Variants in NINJ2 observed in about 807,000 individuals in gnomAD.
The protein encoded by NINJ2 is ninjurin 2.
NINJ2 carries 12 observed loss-of-function variants against 11.7 expected under a neutral mutation model. That is an observed-to-expected ratio of 1.02 (90% CI 0.66 to 1.66). The LOEUF (loss-of-function observed/expected upper bound fraction) is 1.66. Ranked by LOEUF, NINJ2 falls within the 40% of genes most tolerant of loss-of-function variation. NINJ2 has a pLI of 0.00. For missense variants in NINJ2, 187 were observed against 181.8 expected, an observed-to-expected ratio of 1.03 and a Z score of -0.16; for synonymous variants, 93 against 76.8, an observed-to-expected ratio of 1.21 and a Z score of -1.10.
rs377197932 is a variant in NINJ2 at position 586,624 on chromosome 12, G to A, written c.34-20446C>T. On this transcript the variant is annotated intron_variant, in intron 1 of 3. Coordinates refer to ENST00000305108, the MANE Select transcript of NINJ2 (RefSeq NM_016533.6). Reference sequence around the variant, plus strand: ...GCTCCCATCCGCCCACAGGGCATGCGTTTCGGCCCTATGTCCAACCTTCCC... The same window carrying A: ...GCTCCCATCCGCCCACAGGGCATGCATTTCGGCCCTATGTCCAACCTTCCC... 53 of 152,526 alleles carry A rather than the reference G, an allele frequency of 3.5e-4. 1 individual carries two copies. The South Asian group carries it at 0.01, about 29-fold the overall frequency. The allele number at this position is 152,526 out of a possible 1,614,324, so 9.4% of individuals were successfully genotyped here.
At chr12:572,922 T>C (rs1173162911) in intron 1 of NINJ2, among the ~76,000 whole-genome samples, 1 of 138,294 alleles carries the variant, frequency 7.2e-6, no homozygotes, top group Non-Finnish European at 1.5e-5. Flanking sequence ...AGTGGCACAA[T>C]CTCAGCTCAC....
At chr12:605,885 A>G (rs1401845049) in intron 1 of NINJ2, among the ~76,000 whole-genome samples, 2 of 152,226 alleles carry the variant, frequency 1.3e-5, no homozygotes, top group African/African-American at 2.4e-5. Flanking sequence ...CAGAAAGCCT[A>G]CATGAAAGAT....
chr12:582,670 A>T (rs77186201), intron 1 of NINJ2, among the ~76,000 whole-genome samples: 3 of 48,226 alleles, frequency 6.2e-5, no homozygotes, highest in African/African-American at 1.0e-4. Context: ...GGCATGCTAG[A>T]GTGAATGAAT....
chr12:591,767 G>A lies in NINJ2; in HGVS notation c.34-25589C>T, dbSNP rs1026395321. On this transcript the variant is annotated intron_variant, in intron 1 of 3. Transcript: ENST00000305108. The surrounding 1 kb of genome is among the most constrained non-coding windows in gnomAD (Gnocchi z 5.0). ...CTGGGGGTGCTGCCAGACTTTGTGG[G>A]AGCTGGCTGCAAGGGCCAAGGGTGT... is the stretch of plus-strand genomic sequence containing the variant. 1.3e-5 allele frequency among the ~76,000 whole-genome samples: 2 copies of A among 152,206 alleles called. No individual in the cohort carries two copies. Among genetic ancestry groups the A allele is most frequent in the African/African-American group, 4.8e-5 (2 of 41,462 alleles).
chr12:627,117 G>A (rs1948218903), intron 1 of NINJ2, among the ~76,000 whole-genome samples: 1 of 152,128 alleles, frequency 6.6e-6, no homozygotes, highest in African/African-American at 2.4e-5. Context: ...TTTGTGTAAA[G>A]TGCTAAATAC....
At chr12:612,898 T>C (rs929197075) in intron 1 of NINJ2, among the ~76,000 whole-genome samples, 18 of 152,146 alleles carry the variant, frequency 1.2e-4, no homozygotes, top group African/African-American at 3.4e-4. Context: ...ACTAGGTAGA[T>C]AGACAGATTG....
chr12:659,367 A>C, intron 1 of NINJ2, among the ~76,000 whole-genome samples: 1 of 152,220 alleles, frequency 6.6e-6, no homozygotes. Context: ...TGGAAGCCCA[A>C]GAGGAGCTGC....
chr12:643,790 G>A, intron 1 of NINJ2: 1 of 575,708 alleles, frequency 1.7e-6, no homozygotes, highest in Non-Finnish European at 2.2e-6. Context: ...AGTAGAAACT[G>A]TTTTGCCACT....
At position 641,176 on chromosome 12, in the gene NINJ2, C is replaced by G. The variant is rs1343402358; in HGVS notation, c.33+22152G>C. 2.6e-5 allele frequency among the ~76,000 whole-genome samples: 4 copies of G among 152,290 alleles called. No homozygotes were observed. In the East Asian group the frequency reaches 7.7e-4, roughly 29 times the overall value. ...TCATCAGAACAAAAATTCTGCCTTCCGTGTGCAGACTGCTCACTGGTTTTC... is the reference window on the plus strand; with the variant it reads ...TCATCAGAACAAAAATTCTGCCTTCGGTGTGCAGACTGCTCACTGGTTTTC... On this transcript the variant is annotated intron_variant, in intron 1 of 3. Transcript: ENST00000305108.
At chr12:657,166 A>T (rs914981038) in intron 1 of NINJ2, among the ~76,000 whole-genome samples, 2 of 152,244 alleles carry the variant, frequency 1.3e-5, no homozygotes, top group African/African-American at 4.8e-5. Flanking sequence ...TTAACATTGA[A>T]AACTTCTACT....
intron 1 of NINJ2, among the ~76,000 whole-genome samples, chr12:602,702 C>T (rs1353613213): frequency 6.6e-6 from 1 of 152,180 alleles, no homozygotes; most frequent in Admixed American, 6.5e-5. Flanking sequence ...AGTGGCTGCA[C>T]CATTTTGCAT....
intron 1 of NINJ2, among the ~76,000 whole-genome samples, chr12:622,549 A>G (rs1307656396): frequency 2.0e-5 from 3 of 151,954 alleles, no homozygotes; most frequent in Middle Eastern, 3.4e-3. Flanking sequence ...AATGCTTGCC[A>G]CTTCCTAGTA....
In NINJ2 at chr12:591,194, G is replaced by A. The variant is rs11063765; in HGVS notation, c.34-25016C>T. On this transcript the variant is annotated intron_variant, in intron 1 of 3. Transcript: ENST00000305108. This position sits in a 1 kb window ranked among gnomAD's most constrained non-coding sequence, Gnocchi z 5.0. Reference sequence around the variant, plus strand: ...CCTGTTTCTGGATTCAGTGCTGTGAGGGCCTCTCACCATCATGTGGTCTGT... The same window carrying A: ...CCTGTTTCTGGATTCAGTGCTGTGAAGGCCTCTCACCATCATGTGGTCTGT... 736 of 152,400 alleles carry A rather than the reference G, an allele frequency of 4.8e-3. 2 individuals carry two copies. Among genetic ancestry groups the A allele is most frequent in the Middle Eastern group, 0.014 (4 of 294 alleles). The allele number at this position is 152,400 out of a possible 1,614,324, so 9.4% of individuals were successfully genotyped here.
intron 1 of NINJ2, among the ~76,000 whole-genome samples, chr12:637,947 C>T (rs1303861860): frequency 3.3e-5 from 5 of 152,006 alleles, no homozygotes; most frequent in Non-Finnish European, 7.4e-5. Context: ...TTAAGGACCT[C>T]AAAAAAAGGG....
chr12:601,382 TA>T (rs1352117638), intron 1 of NINJ2, among the ~76,000 whole-genome samples: 4 of 149,406 alleles, frequency 2.7e-5, no homozygotes, highest in East Asian at 4.0e-4. Context: ...CCGTCTCTAC[TA>T]AAAATACAAA....
At chr12:601,514 C>T (rs944881254) in intron 1 of NINJ2, among the ~76,000 whole-genome samples, 2 of 147,114 alleles carry the variant, frequency 1.4e-5, no homozygotes, top group Non-Finnish European at 3.0e-5. Flanking sequence ...GGCCACTGCA[C>T]TCCAGCCTGG....
chr12:574,783 G>A (rs1446429807), intron 1 of NINJ2, among the ~76,000 whole-genome samples: 1 of 152,200 alleles, frequency 6.6e-6, no homozygotes, highest in Non-Finnish European at 1.5e-5. Context: ...ACCCCCAGAA[G>A]GCCAGTGGTT....
chr12:612,435 C>A (rs193098372), intron 1 of NINJ2, among the ~76,000 whole-genome samples: 2 of 152,060 alleles, frequency 1.3e-5, no homozygotes. Flanking sequence ...AGAGTAGGGG[C>A]GGGAGTCCTG....
intron 1 of NINJ2, among the ~76,000 whole-genome samples, chr12:573,606 C>G (rs568091154): frequency 6.7e-6 from 1 of 148,336 alleles, no homozygotes; most frequent in African/African-American, 2.6e-5. Context: ...AAACAAAAAA[C>G]AAACAAACAA....
Sources: allele counts gnomAD v4.1 joint callset (sites outside exome capture counted in the v4.1 genomes callset), GRCh38; gene constraint gnomAD v4.1.1; non-coding constraint Gnocchi (gnomAD v3.1); transcripts MANE v1.5; gene names NCBI Gene and HGNC (gene_info 2026-07-23, HGNC 2026-07-21).